DLG2: variants seen among roughly 807,000 people sequenced by gnomAD.
DLG2 encodes disks large homolog 2.
Under a neutral mutation model 132.5 loss-of-function variants are expected in DLG2, and 45 were observed. That is an observed-to-expected ratio of 0.34 (90% CI 0.27 to 0.44). The LOEUF is 0.44. Among genes scored for constraint, DLG2 ranks in the 20% least tolerant of loss-of-function variants. DLG2 has a pLI of 1.00. For synonymous variants in DLG2, 424 were observed against 419.6 expected (o/e 1.01, Z -0.13); for missense variants, 1,045 against 1,196.9 (o/e 0.87, Z 1.87).
intron 8 of DLG2, among the ~76,000 whole-genome samples, chr11:84,248,912 G>T (rs1290127928): frequency 6.6e-6 from 1 of 152,142 alleles, no homozygotes; most frequent in Non-Finnish European, 1.5e-5. Context: ...AATAATTTTT[G>T]AAGGACTCAA....
chr11:84,262,436 T>G (rs1398790693), intron 7 of DLG2, among the ~76,000 whole-genome samples: 1 of 152,202 alleles, frequency 6.6e-6, no homozygotes, highest in Admixed American at 6.5e-5. Context: ...AATGTGAGAA[T>G]ATATCCCCAA....
chr11:84,386,613 T>A (rs545822854), intron 7 of DLG2, among the ~76,000 whole-genome samples: 1 of 152,248 alleles, frequency 6.6e-6, no homozygotes, highest in South Asian at 2.1e-4. Flanking sequence ...AAGTTGAAAA[T>A]CAATAAATGG....
chr11:85,420,696 C>A (rs1417223735), intron 3 of DLG2, among the ~76,000 whole-genome samples: 1 of 152,224 alleles, frequency 6.6e-6, no homozygotes, highest in East Asian at 1.9e-4. Context: ...TGGGCTCTGC[C>A]CAGTTTGAAC....
At chr11:83,538,510 G>A (rs1007752791) in intron 20 of DLG2, among the ~76,000 whole-genome samples, 1 of 152,202 alleles carries the variant, frequency 6.6e-6, no homozygotes, top group Non-Finnish European at 1.5e-5. Flanking sequence ...TGCTCCTAGG[G>A]TAGTTTGTTC....
intron 18 of DLG2, among the ~76,000 whole-genome samples, chr11:83,711,155 T>C (rs2085330429): frequency 1.3e-5 from 2 of 152,162 alleles, no homozygotes; most frequent in South Asian, 2.1e-4. Context: ...AGATACACAT[T>C]CCTTCTTGCC....
At chr11:84,756,052 C>G (rs970777410) in intron 6 of DLG2, among the ~76,000 whole-genome samples, 1 of 152,010 alleles carries the variant, frequency 6.6e-6, no homozygotes, top group African/African-American at 2.4e-5. Flanking sequence ...GTATAAAATG[C>G]TAAGATGGAC....
At chr11:84,666,661 T>G (rs1595281024) in intron 6 of DLG2, among the ~76,000 whole-genome samples, 1 of 152,100 alleles carries the variant, frequency 6.6e-6, no homozygotes, top group Admixed American at 6.6e-5. Flanking sequence ...TATACACATA[T>G]ATTTGTACAT....
At position 85,402,678 on chromosome 11, in the gene DLG2, G is replaced by A. The variant is rs373399045; in HGVS notation, c.41-117313C>T. ...CAAACAACCCTATCAAAAAGTAGGCGAAGGACATGAACAGACACTTCTCAA... is the reference window on the plus strand; with the variant it reads ...CAAACAACCCTATCAAAAAGTAGGCAAAGGACATGAACAGACACTTCTCAA... On this transcript the variant is annotated intron_variant, in intron 3 of 27. Coordinates refer to ENST00000376104, the MANE Select transcript of DLG2 (RefSeq NM_001142699.3). Among the ~76,000 whole-genome samples, 20 of 152,128 alleles carry A rather than the reference G, an allele frequency of 1.3e-4. No homozygotes were observed. In the East Asian group the frequency reaches 1.5e-3, roughly 12 times the overall value.
At chr11:84,688,796 C>T (rs2057671661) in intron 6 of DLG2, among the ~76,000 whole-genome samples, 1 of 152,184 alleles carries the variant, frequency 6.6e-6, no homozygotes, top group Admixed American at 6.5e-5. Flanking sequence ...CTGTACATCT[C>T]TACAGTGTAC....
chr11:85,483,154 G>A (rs982132697), intron 3 of DLG2, among the ~76,000 whole-genome samples: 2 of 152,086 alleles, frequency 1.3e-5, no homozygotes, highest in Admixed American at 6.5e-5. Flanking sequence ...AAAAATCAAG[G>A]ACAAAGAGAG....
At chr11:84,896,984 T>C (rs2090280225) in intron 6 of DLG2, among the ~76,000 whole-genome samples, 3 of 151,810 alleles carry the variant, frequency 2.0e-5, no homozygotes, top group Admixed American at 1.3e-4. Flanking sequence ...ATTTTTTTCA[T>C]TATAAAATGA....
At chr11:85,149,398 G>T (rs1352944700) in intron 5 of DLG2, among the ~76,000 whole-genome samples, 1 of 152,102 alleles carries the variant, frequency 6.6e-6, no homozygotes, top group Non-Finnish European at 1.5e-5. Flanking sequence ...ATGTATACTT[G>T]TTTGAGTTGT....
intron 8 of DLG2, among the ~76,000 whole-genome samples, chr11:84,175,920 G>T (rs1345464662): frequency 6.6e-6 from 1 of 152,040 alleles, no homozygotes; most frequent in Non-Finnish European, 1.5e-5. Flanking sequence ...AATAGGTTTT[G>T]TCCCCTACCG....
chr11:84,636,458 C>T (rs2099640595), intron 6 of DLG2, among the ~76,000 whole-genome samples: 1 of 152,140 alleles, frequency 6.6e-6, no homozygotes, highest in African/African-American at 2.4e-5. Context: ...GTTTCCATTT[C>T]TGTGAGTTGT....
chr11:83,618,083 T>C (rs929206615), intron 19 of DLG2, among the ~76,000 whole-genome samples: 6 of 152,148 alleles, frequency 3.9e-5, no homozygotes, highest in African/African-American at 1.4e-4. Context: ...CACAGATGAG[T>C]TTTGAATTTT....
chr11:84,657,465 G>T (rs550125727), intron 6 of DLG2, among the ~76,000 whole-genome samples: 1 of 152,244 alleles, frequency 6.6e-6, no homozygotes. Context: ...TGGACCAGAA[G>T]TCCTCAACCC....
intron 3 of DLG2, among the ~76,000 whole-genome samples, chr11:85,565,834 A>T (rs1037828571): frequency 6.6e-6 from 1 of 152,042 alleles, no homozygotes. Flanking sequence ...TCTTTGTGTA[A>T]ATATATATAT....
At position 84,525,502 on chromosome 11, in the gene DLG2, C is replaced by G. The variant is rs11600732; in HGVS notation, c.519+9068G>C. On this transcript the variant is annotated intron_variant, in intron 7 of 27. Transcript: ENST00000376104. ...TGATATCTCTTTTTAAATAAGCCTT[C>G]TAATCTATCCTTCCCTTCAACCCCA... 5.3e-5 allele frequency among the ~76,000 whole-genome samples: 8 copies of G among 152,196 alleles called. 1 individual carries two copies. In the South Asian group the frequency reaches 1.7e-3, roughly 32 times the overall value.
At chr11:84,620,825 C>CATA (rs1433835460) in intron 6 of DLG2, among the ~76,000 whole-genome samples, 1 of 151,942 alleles carries the variant, frequency 6.6e-6, no homozygotes, top group East Asian at 1.9e-4. Context: ...AGGTGAAAAC[C>CATA]ATATGACTTA....
Sources: allele counts gnomAD v4.1 joint callset (sites outside exome capture counted in the v4.1 genomes callset), GRCh38; gene constraint gnomAD v4.1.1; transcripts MANE v1.5; gene names NCBI Gene and HGNC (gene_info 2026-07-23, HGNC 2026-07-21).